Variants in LMAN1 observed in about 807,000 individuals in gnomAD.
LMAN1 encodes lectin, mannose binding 1, also known as protein ERGIC-53.
LMAN1 carries 32 observed loss-of-function variants against 67.8 expected under a neutral mutation model. That is an observed-to-expected ratio of 0.47 (90% confidence interval 0.36 to 0.63). The LOEUF (loss-of-function observed/expected upper bound fraction) is 0.63, where lower values mean the gene tolerates loss of function less well. Ranked by LOEUF, LMAN1 falls within the 30% of genes least tolerant of loss-of-function variation. The pLI is 0.00. For missense variants in LMAN1, 632 were observed against 628.2 expected (o/e 1.01, Z -0.06); for synonymous variants, 235 against 219.3 (o/e 1.07, Z -0.63).
chr18:59,337,270 A>G (rs1371979605), intron 10 of LMAN1, among the ~76,000 whole-genome samples: 2 of 151,756 alleles, frequency 1.3e-5, no homozygotes, highest in Non-Finnish European at 1.5e-5. Context: ...TAACTGATTA[A>G]TGCTCTTGGA....
intron 7 of LMAN1, among the ~76,000 whole-genome samples, 158 bp from the exon 8 acceptor site, chr18:59,346,209 CTTTTTTTTTTTTTTTTT>C (rs370183077): frequency 1.6e-5 from 1 of 61,588 alleles, no homozygotes; most frequent in Non-Finnish European, 3.3e-5. Context: ...GCAAATTACT[CTTTTTTTTTTTTTTTTT>C]TTTTTTTTTT....
At chr18:59,344,012 C>T (rs1278891924) in intron 8 of LMAN1, among the ~76,000 whole-genome samples, 2 of 151,944 alleles carry the variant, frequency 1.3e-5, no homozygotes, top group Admixed American at 6.6e-5. Context: ...AAAGAAGACA[C>T]GCAAGTGGCC....
At position 59,359,095 on chromosome 18, in the gene LMAN1, G is replaced by A. The variant is rs948278250; in HGVS notation, c.150C>T (p.Tyr50=). Residue 50 remains tyrosine (Y), a synonymous_variant, in exon 1 of 13, where the codon TAC becomes TAT. Coordinates refer to ENST00000251047, the MANE Select transcript of LMAN1 (RefSeq NM_005570.4). ...GCACCAGGTGCGGCCCCTTGAAGCTGTATTTGTACTCGAAACGGCGATGTG... is the reference window on the plus strand; with the variant it reads ...GCACCAGGTGCGGCCCCTTGAAGCTATATTTGTACTCGAAACGGCGATGTG... ...ALPHRRFEYK[Y]SFKGPHLVQS... 2 of 1,613,936 alleles carry A rather than the reference G, an allele frequency of 1.2e-6. No individual in the cohort carries two copies. The highest frequency in any genetic ancestry group is 2.7e-5 in the African/African-American group (2 of 74,936).
chr18:59,345,879 G>A (rs1459812818), intron 8 of LMAN1, 40 bp downstream of exon 8: 2 of 1,612,260 alleles, frequency 1.2e-6, no homozygotes, highest in African/African-American at 2.7e-5. Context: ...ACAGCCTCAA[G>A]CCCTGCTGCG....
At chr18:59,346,116 C>T in intron 7 of LMAN1, 65 bp from the exon 8 acceptor site, 1 of 1,327,382 alleles carries the variant, frequency 7.5e-7, no homozygotes, top group Non-Finnish European at 1.0e-6. Context: ...TATCTCTATA[C>T]ATGTTATTTT....
chr18:59,343,054 T>TA (rs34207759), intron 8 of LMAN1, among the ~76,000 whole-genome samples: 56,808 of 120,740 alleles, frequency 0.47, 12,236 homozygotes, highest in African/African-American at 0.58. Context: ...TTACAACAGC[T>TA]AAAAAAAAAA....
chr18:59,352,976 A>AG (rs765750180), intron 5 of LMAN1: 72 of 494,718 alleles, frequency 1.5e-4, no homozygotes, highest in Non-Finnish European at 2.5e-4. Flanking sequence ...GCTATACAGT[A>AG]GGGGGCTTAA....
At chr18:59,334,329 T>C (rs1278113688) in intron 10 of LMAN1, among the ~76,000 whole-genome samples, 1 of 152,168 alleles carries the variant, frequency 6.6e-6, no homozygotes, top group Non-Finnish European at 1.5e-5. Context: ...AGCCAGGGAA[T>C]ATTAGGGATA....
chr18:59,351,846 G>A (rs1327425524), intron 5 of LMAN1, among the ~76,000 whole-genome samples: 3 of 152,114 alleles, frequency 2.0e-5, no homozygotes, highest in Non-Finnish European at 4.4e-5. Flanking sequence ...TGTACAGGGT[G>A]AATAATTATA....
rs1486603549 is a variant in LMAN1 at position 59,329,113 on chromosome 18, GA to G, written c.*1979del. 1 of 152,126 alleles carries G rather than the reference GA, an allele frequency of 6.6e-6. No homozygotes were observed. Among genetic ancestry groups the G allele is most frequent in the African/African-American group, 2.4e-5 (1 of 41,420 alleles). 9.4% of individuals were successfully genotyped at this position (152,126 alleles called of 1,614,324 possible). On this transcript the variant is annotated 3_prime_UTR_variant, in exon 13 of 13. Transcript: ENST00000251047. ...AGCTCCTTAAAGTCAATGATTTTGA[GA>G]AAAACCACACTTCAAATATGATACA... is the stretch of plus-strand genomic sequence containing the variant.
At position 59,328,877 on chromosome 18, in the gene LMAN1, G is replaced by A. The variant is rs975736354; in HGVS notation, c.*2216C>T. On this transcript the variant is annotated 3_prime_UTR_variant, in exon 13 of 13. Transcript: ENST00000251047. The stretch of plus-strand genomic sequence containing the variant: ...ATTAAATAAGGATATAAGCCATTAC[G>A]CAATTGCATTTTCCTTTTAAAAGTG... 2.6e-5 allele frequency: 4 copies of A among 152,106 alleles called. No homozygotes were observed. Among genetic ancestry groups the A allele is most frequent in the South Asian group, 2.1e-4 (1 of 4,832 alleles). 9.4% of individuals were successfully genotyped at this position (152,106 alleles called of 1,614,324 possible).
chr18:59,348,888 A>C (rs1908478987), intron 6 of LMAN1, among the ~76,000 whole-genome samples: 1 of 152,222 alleles, frequency 6.6e-6, no homozygotes, highest in African/African-American at 2.4e-5. Context: ...TGATGCTGTA[A>C]TTGACACACT....
At chr18:59,356,962 T>C (rs773169749) in intron 1 of LMAN1, among the ~76,000 whole-genome samples, 1 of 152,166 alleles carries the variant, frequency 6.6e-6, no homozygotes, top group Non-Finnish European at 1.5e-5. Context: ...AGAAACACCA[T>C]AGATTTGGTC....
At chr18:59,344,330 T>A (rs1436674996) in intron 8 of LMAN1, among the ~76,000 whole-genome samples, 1 of 152,150 alleles carries the variant, frequency 6.6e-6, no homozygotes, top group Non-Finnish European at 1.5e-5. Flanking sequence ...ATCAAAAAGA[T>A]ACTTGCACTT....
Position 59,333,286 on chromosome 18 carries a change from GT to G in LMAN1, c.1221-43del, listed in dbSNP as rs10714229. The G allele has an allele frequency of 0.094, 122,343 of 1,305,792 alleles. 3,143 individuals carry two copies. The highest frequency in any genetic ancestry group is 0.15 in the African/African-American group (10,033 of 65,056). 80.9% of individuals were successfully genotyped at this position (1,305,792 alleles called of 1,614,324 possible). A position where few individuals can be genotyped will look rare whatever the true frequency, so the allele number is the denominator to read the frequency against. ...CTTGATACAATAAAATCACTATAAA[GT>G]TTTTTTTTTTCAGTCACAGATCTCC... On this transcript the variant is annotated intron_variant, in intron 10 of 12. Transcript: ENST00000251047.
rs1908216483 is a variant in LMAN1, at chr18:59,338,615, C to T, written c.1162G>A (p.Glu388Lys). ...TGAGTTTTCACAACAGTATCCAGTT[C>T]TTGTTGAGTAATCTGGAGGAAGAAA... ...PGQHGQITQQELDTVVKTQHE... is the reference protein window; with the variant it reads ...PGQHGQITQQKLDTVVKTQHE... The change falls in exon 10 of 13, where the codon GAA becomes AAA. Residue 388 changes from glutamate (E) to lysine (K), a missense_variant. Physicochemically the swap from Glu to Lys is moderately conservative, Grantham distance 56. Transcript: ENST00000251047. 2.5e-6 allele frequency: 4 copies of T among 1,613,562 alleles called. No homozygotes were observed. The highest frequency in any genetic ancestry group is 2.5e-6 in the Non-Finnish European group (3 of 1,179,542).
intron 8 of LMAN1, among the ~76,000 whole-genome samples, chr18:59,344,812 T>G (rs1303592709): frequency 6.6e-6 from 1 of 152,118 alleles, no homozygotes. Context: ...TTAAATAAAA[T>G]TAAAATGGAA....
intron 8 of LMAN1, among the ~76,000 whole-genome samples, chr18:59,342,292 G>A (rs1207377411): frequency 6.6e-6 from 1 of 151,888 alleles, no homozygotes; most frequent in Non-Finnish European, 1.5e-5. Context: ...AAAACACTGA[G>A]GAGAGAATTC....
chr18:59,332,806 C>T (rs973626106), intron 11 of LMAN1, among the ~76,000 whole-genome samples: 1 of 151,106 alleles, frequency 6.6e-6, no homozygotes, highest in African/African-American at 2.5e-5. Context: ...TTAAGCAATC[C>T]ATGGGTCAGA....
Sources: gnomAD v4.1 joint callset for allele counts (sites outside exome capture counted in the v4.1 genomes callset) on GRCh38, gnomAD v4.1.1 for gene constraint, MANE v1.5 for transcripts, NCBI Gene and HGNC (gene_info 2026-07-23, HGNC 2026-07-21) for gene names.